Variants in EYA2 observed in about 807,000 individuals in gnomAD.
EYA2 encodes protein phosphatase EYA2.
In EYA2, 31 loss-of-function variants were observed where a neutral mutation model predicts 69.2. The ratio of observed to expected loss-of-function variants is 0.45; its 90% CI spans 0.34 to 0.60. The LOEUF is 0.60. Among genes scored for constraint, EYA2 ranks in the 20% least tolerant of loss-of-function variants. The pLI is 0.02. For missense variants in EYA2, 622 were observed against 701.2 expected, an observed-to-expected ratio of 0.89 and a Z score of 1.28; for synonymous variants, 257 against 279.4, an observed-to-expected ratio of 0.92 and a Z score of 0.80.
chr20:46,972,848 T>C (rs1356843611), intron 1 of EYA2, among the ~76,000 whole-genome samples: 5 of 152,364 alleles, frequency 3.3e-5, no homozygotes, highest in South Asian at 2.1e-4. Flanking sequence ...GAAAGAATTT[T>C]GACAGCAACT....
At chr20:47,030,736 G>T (rs1032430707) in intron 5 of EYA2, among the ~76,000 whole-genome samples, 1 of 79,544 alleles carries the variant, frequency 1.3e-5, no homozygotes, top group Admixed American at 1.2e-4. Flanking sequence ...TCCTCTTTGG[G>T]TTCACAGAGA....
intron 9 of EYA2, among the ~76,000 whole-genome samples, chr20:47,107,774 A>G (rs1161921507): frequency 6.7e-6 from 1 of 149,534 alleles, no homozygotes; most frequent in Non-Finnish European, 1.5e-5. Flanking sequence ...AGAAAGAAGA[A>G]GTAGGAAGAG....
At chr20:47,149,864 T>A (rs1351345538) in intron 10 of EYA2, among the ~76,000 whole-genome samples, 3 of 151,842 alleles carry the variant, frequency 2.0e-5, no homozygotes, top group Non-Finnish European at 4.4e-5. Flanking sequence ...AATAAGTAAA[T>A]AAATACATAC....
At chr20:46,978,540 A>G in intron 1 of EYA2, 1 of 534,560 alleles carries the variant, frequency 1.9e-6, no homozygotes, top group Non-Finnish European at 3.8e-6. Flanking sequence ...GGAATCAGAT[A>G]TTGGACAAGG....
chr20:47,169,317 C>T, intron 11 of EYA2, 120 bp downstream of exon 11: 1 of 930,306 alleles, frequency 1.1e-6, no homozygotes, highest in South Asian at 1.3e-5. Flanking sequence ...GTGCCTGCCT[C>T]CAGCCAGAAC....
At chr20:47,181,760 T>C (rs928974811) in intron 14 of EYA2, among the ~76,000 whole-genome samples, 13 of 152,202 alleles carry the variant, frequency 8.5e-5, no homozygotes, top group African/African-American at 2.7e-4. Context: ...GGCAGCATTT[T>C]CTTGGAGCAA....
chr20:46,967,723 A>G (rs952434895), intron 1 of EYA2, among the ~76,000 whole-genome samples: 2 of 152,188 alleles, frequency 1.3e-5, no homozygotes, highest in African/African-American at 4.8e-5. Context: ...GAGCCAGGCC[A>G]TGTGAAGCAG....
intron 1 of EYA2, among the ~76,000 whole-genome samples, chr20:46,899,010 A>G (rs1329498775): frequency 6.6e-6 from 1 of 152,210 alleles, no homozygotes; most frequent in Non-Finnish European, 1.5e-5. Flanking sequence ...GAACTGGTAT[A>G]CCAGGCCTGC....
Position 46,897,008 on chromosome 20 carries a change from A to C in EYA2, c.-11+2021A>C, listed in dbSNP as rs985507271. On this transcript the variant is annotated intron_variant, in intron 1 of 15. Transcript: ENST00000327619. ...AAAAAGATGTGTATCTCAATACTTT[A>C]GGATTTTTTTAAAAAGTTTTCATCA... Among the ~76,000 whole-genome samples, 15 of 111,630 alleles carry C rather than the reference A, an allele frequency of 1.3e-4. 1 individual carries two copies. The highest frequency in any genetic ancestry group is 4.8e-4 in the African/African-American group (15 of 31,544). 73.2% of individuals were successfully genotyped at this position (111,630 alleles called of 152,430 possible). A position where few individuals can be genotyped will look rare whatever the true frequency, so the allele number is the denominator to read the frequency against.
At chr20:47,005,304 C>T (rs760840938) in intron 4 of EYA2, among the ~76,000 whole-genome samples, 2 of 152,214 alleles carry the variant, frequency 1.3e-5, no homozygotes, top group South Asian at 2.1e-4. Context: ...TGAACCCAAG[C>T]TGGTTTAGGG....
At chr20:46,986,687 A>G (rs970422841) in intron 1 of EYA2, among the ~76,000 whole-genome samples, 1 of 152,092 alleles carries the variant, frequency 6.6e-6, no homozygotes, top group African/African-American at 2.4e-5. Context: ...TCATAGTGGA[A>G]GGTGGAGGGC....
At chr20:47,029,360 C>G (rs1235567244) in intron 5 of EYA2, among the ~76,000 whole-genome samples, 1 of 152,224 alleles carries the variant, frequency 6.6e-6, no homozygotes, top group African/African-American at 2.4e-5. Flanking sequence ...CCTGGCCACC[C>G]TGTAGCTCGC....
At chr20:46,896,148 G>A (rs1057334388) in intron 1 of EYA2, among the ~76,000 whole-genome samples, 5 of 152,186 alleles carry the variant, frequency 3.3e-5, no homozygotes, top group Non-Finnish European at 7.3e-5. Flanking sequence ...TAGCGAGGGC[G>A]GAGGGGCAGG....
chr20:47,140,970 A>G (rs955509985), intron 9 of EYA2, among the ~76,000 whole-genome samples: 4 of 152,138 alleles, frequency 2.6e-5, no homozygotes, highest in Admixed American at 6.5e-5. Flanking sequence ...AAACTAATCT[A>G]TTCCTGAGAG....
chr20:46,986,368 T>C (rs56027374), intron 1 of EYA2, among the ~76,000 whole-genome samples: 1 of 19,912 alleles, frequency 5.0e-5, no homozygotes, highest in African/African-American at 1.0e-4. Flanking sequence ...AGATATATTA[T>C]ATATTATGTA....
At chr20:47,176,478 T>A (rs1254961155) in intron 12 of EYA2, among the ~76,000 whole-genome samples, 4 of 152,224 alleles carry the variant, frequency 2.6e-5, no homozygotes, top group Admixed American at 1.3e-4. Flanking sequence ...AGGGGATACT[T>A]GGAATAGTAG....
At chr20:47,008,420 G>A (rs879570781) in intron 4 of EYA2, among the ~76,000 whole-genome samples, 1 of 152,200 alleles carries the variant, frequency 6.6e-6, no homozygotes, top group Non-Finnish European at 1.5e-5. Flanking sequence ...AATCCCGGGG[G>A]ATTACCTATG....
intron 4 of EYA2, 119 bp downstream of exon 4, chr20:47,005,203 G>A: frequency 8.7e-7 from 1 of 1,153,620 alleles, no homozygotes; most frequent in South Asian, 1.7e-5. Flanking sequence ...TTTTGGATTA[G>A]AGATAAAGGG....
intron 5 of EYA2, among the ~76,000 whole-genome samples, chr20:47,035,564 T>G (rs1350645717): frequency 6.6e-6 from 1 of 152,116 alleles, no homozygotes; most frequent in Admixed American, 6.5e-5. Context: ...TCTGTTCTCC[T>G]CTCTCTAATG....
Sources: allele counts gnomAD v4.1 joint callset (sites outside exome capture counted in the v4.1 genomes callset), GRCh38; gene constraint gnomAD v4.1.1; transcripts MANE v1.5; gene names NCBI Gene and HGNC (gene_info 2026-07-23, HGNC 2026-07-21).